IGF2BP2: variants seen among roughly 807,000 people sequenced by gnomAD.
The protein encoded by IGF2BP2 is insulin-like growth factor 2 mRNA-binding protein 2.
IGF2BP2 carries 17 observed loss-of-function variants against 75.8 expected under a neutral mutation model. The ratio of observed to expected loss-of-function variants is 0.22; its 90% CI spans 0.15 to 0.34. The LOEUF (loss-of-function observed/expected upper bound fraction) is 0.34. Among genes scored for constraint, IGF2BP2 ranks in the 10% least tolerant of loss-of-function variants. The pLI is 1.00. For synonymous variants in IGF2BP2, 288 were observed against 295.6 expected (o/e 0.97, Z 0.26); for missense variants, 516 against 772.4 (o/e 0.67, Z 3.93).
chr3:185,784,374 T>C (rs972498853), intron 2 of IGF2BP2, among the ~76,000 whole-genome samples: 2 of 152,152 alleles, frequency 1.3e-5, no homozygotes, highest in South Asian at 2.1e-4. Flanking sequence ...TCAGTAGAGA[T>C]ATTTGAGGAA....
chr3:185,760,371 A>AT (rs1012010537), intron 2 of IGF2BP2, among the ~76,000 whole-genome samples: 1 of 152,026 alleles, frequency 6.6e-6, no homozygotes, highest in Non-Finnish European at 1.5e-5. Flanking sequence ...CATACTTAAG[A>AT]TTTTTTAACA....
At chr3:185,687,456 G>A (rs1447891) in intron 6 of IGF2BP2, among the ~76,000 whole-genome samples, 2 of 152,368 alleles carry the variant, frequency 1.3e-5, no homozygotes, top group East Asian at 3.9e-4. Flanking sequence ...AGCCAACTCA[G>A]TAATGAAGCC....
chr3:185,768,354 G>A (rs1733379694), intron 2 of IGF2BP2, among the ~76,000 whole-genome samples: 1 of 152,106 alleles, frequency 6.6e-6, no homozygotes, highest in Non-Finnish European at 1.5e-5. Context: ...AGTTAGAGGT[G>A]TCACGATGCT....
At chr3:185,799,455 A>C (rs1737885887) in intron 2 of IGF2BP2, among the ~76,000 whole-genome samples, 1 of 152,084 alleles carries the variant, frequency 6.6e-6, no homozygotes, top group African/African-American at 2.4e-5. Flanking sequence ...TGATCATTAA[A>C]AAGTCAGGAA....
intron 10 of IGF2BP2, among the ~76,000 whole-genome samples, chr3:185,670,975 TG>T (rs1718417053): frequency 6.6e-6 from 1 of 152,362 alleles, no homozygotes; most frequent in African/African-American, 2.4e-5. Context: ...TTATCTTCTG[TG>T]GGGCTGTATG....
At chr3:185,759,444 A>C (rs1329822114) in intron 2 of IGF2BP2, among the ~76,000 whole-genome samples, 1 of 152,236 alleles carries the variant, frequency 6.6e-6, no homozygotes, top group Non-Finnish European at 1.5e-5. Context: ...TAGCCTCTGT[A>C]AGATGACACT....
intron 2 of IGF2BP2, among the ~76,000 whole-genome samples, chr3:185,786,396 AAAG>A (rs1044031935): frequency 2.0e-5 from 3 of 152,184 alleles, no homozygotes; most frequent in Admixed American, 1.3e-4. Context: ...AAGAATCACA[AAAG>A]AAGTGAAAAT....
chr3:185,715,134 TG>T (rs2149436386), intron 2 of IGF2BP2, among the ~76,000 whole-genome samples: 1 of 152,134 alleles, frequency 6.6e-6, no homozygotes, highest in South Asian at 2.1e-4. Context: ...CTCTGAGGAA[TG>T]GAAGGCAGAA....
At chr3:185,773,221 T>C (rs1039129182) in intron 2 of IGF2BP2, among the ~76,000 whole-genome samples, 1 of 152,220 alleles carries the variant, frequency 6.6e-6, no homozygotes, top group Non-Finnish European at 1.5e-5. Flanking sequence ...CTAACTCCTA[T>C]TACTGAGCCA....
At chr3:185,675,163 T>C (rs1719135672) in intron 9 of IGF2BP2, 133 bp downstream of exon 9, 1 of 825,990 alleles carries the variant, frequency 1.2e-6, no homozygotes, top group Non-Finnish European at 1.9e-6. Flanking sequence ...GTTTCCTGAT[T>C]ATTTTAATGC....
At chr3:185,684,634 T>C (rs1720858596) in intron 7 of IGF2BP2, among the ~76,000 whole-genome samples, 1 of 152,220 alleles carries the variant, frequency 6.6e-6, no homozygotes, top group Non-Finnish European at 1.5e-5. Flanking sequence ...CTCGAACTCC[T>C]GGCCTCAAGT....
At chr3:185,670,698 T>C (rs536336466) in intron 10 of IGF2BP2, among the ~76,000 whole-genome samples, 1 of 152,094 alleles carries the variant, frequency 6.6e-6, no homozygotes, top group African/African-American at 2.4e-5. Context: ...GCCTCCCAAG[T>C]AGCTGGGATT....
At chr3:185,713,158 C>A (rs936908051) in intron 2 of IGF2BP2, 29 of 317,818 alleles carry the variant, frequency 9.1e-5, no homozygotes, top group African/African-American at 6.1e-4. Context: ...AATGAGAAGA[C>A]CAGAACTGCA....
chr3:185,677,767 A>C (rs1313620148), intron 7 of IGF2BP2, among the ~76,000 whole-genome samples: 1 of 152,246 alleles, frequency 6.6e-6, no homozygotes, highest in Non-Finnish European at 1.5e-5. Flanking sequence ...AAGAGACAGA[A>C]ACTATAAGAA....
At chr3:185,821,524 G>T (rs1289574285) in intron 2 of IGF2BP2, among the ~76,000 whole-genome samples, 1 of 152,112 alleles carries the variant, frequency 6.6e-6, no homozygotes, top group Non-Finnish European at 1.5e-5. Context: ...TTTGTGAGAA[G>T]TTTTAGGAGC....
chr3:185,739,373 G>C (rs1039072600), intron 2 of IGF2BP2, among the ~76,000 whole-genome samples: 2 of 152,162 alleles, frequency 1.3e-5, no homozygotes, highest in African/African-American at 4.8e-5. Flanking sequence ...TAAAAAGATA[G>C]CATTCCAATT....
Position 185,645,469 on chromosome 3 carries a change from C to T in IGF2BP2, c.*62G>A. 1 of 1,187,140 alleles carries T rather than the reference C, an allele frequency of 8.4e-7. No homozygotes were observed. Among genetic ancestry groups the T allele is most frequent in the Non-Finnish European group, 1.3e-6 (1 of 792,820 alleles). 73.5% of individuals were successfully genotyped at this position (1,187,140 alleles called of 1,614,324 possible). On this transcript the variant is annotated 3_prime_UTR_variant, in exon 16 of 16. Coordinates refer to ENST00000382199, the MANE Select transcript of IGF2BP2 (RefSeq NM_006548.6). This position sits in a 1 kb window ranked among gnomAD's most constrained non-coding sequence, Gnocchi z 4.9. Reference sequence around the variant, plus strand: ...CGATCTGGCTGGCTGCGTTTGGTCTCATTCTGTCAGGTGTTGGAAGGGCTA... The same window carrying T: ...CGATCTGGCTGGCTGCGTTTGGTCTTATTCTGTCAGGTGTTGGAAGGGCTA...
At chr3:185,720,089 G>C (rs529275932) in intron 2 of IGF2BP2, among the ~76,000 whole-genome samples, 1 of 152,266 alleles carries the variant, frequency 6.6e-6, no homozygotes, top group African/African-American at 2.4e-5. Context: ...CATCAACAAG[G>C]AGCTTGTGGG....
chr3:185,693,088 G>A, intron 4 of IGF2BP2: 1 of 204,800 alleles, frequency 4.9e-6, no homozygotes, highest in Non-Finnish European at 9.8e-6. Context: ...TGAGTCAAAT[G>A]TACCATGACT....
Sources: gnomAD v4.1 joint callset for allele counts (sites outside exome capture counted in the v4.1 genomes callset) on GRCh38, gnomAD v4.1.1 for gene constraint, Gnocchi (gnomAD v3.1) non-coding constraint, MANE v1.5 for transcripts, NCBI Gene and HGNC (gene_info 2026-07-23, HGNC 2026-07-21) for gene names.